The following COL4A4 variants were observed in gnomAD, a reference collection of about 807,000 sequenced individuals.
The protein encoded by COL4A4 is collagen alpha-4(IV) chain.
COL4A4 carries 105 observed loss-of-function variants against 192.9 expected under a neutral mutation model. The ratio of observed to expected loss-of-function variants is 0.54; its 90% CI spans 0.46 to 0.64. COL4A4 has a LOEUF of 0.64. Among genes scored for constraint, COL4A4 ranks in the 30% least tolerant of loss-of-function variants. COL4A4 has a pLI of 0.00. For missense variants in COL4A4, 1,967 were observed against 2,169.3 expected, an observed-to-expected ratio of 0.91 and a Z score of 1.85; for synonymous variants, 762 against 769.9, an observed-to-expected ratio of 0.99 and a Z score of 0.17.
At chr2:227,120,207 C>T (rs1220646969) in intron 5 of COL4A4, among the ~76,000 whole-genome samples, 2 of 152,136 alleles carry the variant, frequency 1.3e-5, no homozygotes, top group Admixed American at 6.6e-5. Flanking sequence ...AATCTCGATC[C>T]TAGAGTAACA....
Position 227,052,230 on chromosome 2 carries a change from G to A in COL4A4, c.2968+75C>T, listed in dbSNP as rs938898422. On this transcript the variant is annotated intron_variant, in intron 32 of 47. Transcript: ENST00000396625. The stretch of plus-strand genomic sequence containing the variant: ...TCTTTTCTAATCTCAGTGTTATTGG[G>A]GAAAGTTGCCTAACAAATGTGATCT... 16 of 907,178 alleles carry A rather than the reference G, an allele frequency of 1.8e-5. No homozygotes were observed. The African/African-American group carries it at 2.6e-4, about 15-fold the overall frequency. 56.2% of individuals were successfully genotyped at this position (907,178 alleles called of 1,614,324 possible). A position where few individuals can be genotyped will look rare whatever the true frequency, so the allele number is the denominator to read the frequency against.
At chr2:227,141,274 T>C (rs2125307383) in intron 3 of COL4A4, among the ~76,000 whole-genome samples, 1 of 152,348 alleles carries the variant, frequency 6.6e-6, no homozygotes, top group East Asian at 1.9e-4. Flanking sequence ...ACATTGGCCA[T>C]ACAATTTTAT....
chr2:227,022,508 T>C (rs1178453605), intron 43 of COL4A4: 1 of 562,274 alleles, frequency 1.8e-6, no homozygotes, highest in Non-Finnish European at 3.6e-6. Context: ...GCCCAATCTC[T>C]GGGCCATTTT....
the COL4A4 span, among the ~76,000 whole-genome samples, chr2:226,981,102 TA>T: frequency 6.6e-6 from 1 of 152,040 alleles, no homozygotes; most frequent in African/African-American, 2.4e-5. Flanking sequence ...TCACTCTGAG[TA>T]AACTATCACA....
At chr2:227,109,969 T>C (rs2061100268) in intron 9 of COL4A4, among the ~76,000 whole-genome samples, 1 of 152,180 alleles carries the variant, frequency 6.6e-6, no homozygotes, top group African/African-American at 2.4e-5. Flanking sequence ...TATTATTAAT[T>C]AACATTATAT....
At chr2:227,098,213 GAATGTAC>G (rs1320903762) in intron 19 of COL4A4, among the ~76,000 whole-genome samples, 1 of 152,268 alleles carries the variant, frequency 6.6e-6, no homozygotes, top group East Asian at 1.9e-4. Context: ...GGGATTAGGT[GAATGTAC>G]TAAATTTTAC....
chr2:227,074,740 T>A (rs2058924562), intron 25 of COL4A4, among the ~76,000 whole-genome samples: 1 of 152,148 alleles, frequency 6.6e-6, no homozygotes. Flanking sequence ...AACAAAACAA[T>A]GGCTTTTGCA....
the COL4A4 span, among the ~76,000 whole-genome samples, chr2:226,990,428 T>G: frequency 1.3e-5 from 2 of 152,326 alleles, no homozygotes; most frequent in East Asian, 3.9e-4. Context: ...TTTAGCTCCC[T>G]AATTTAAGGG....
At chr2:227,077,498 G>C (rs2059091457) in intron 25 of COL4A4, among the ~76,000 whole-genome samples, 2 of 152,066 alleles carry the variant, frequency 1.3e-5, no homozygotes, top group Admixed American at 6.6e-5. Context: ...CTGTCAGGGG[G>C]TCAGGGGTAA....
chr2:227,013,262 TTCTCTTTC>T lies in COL4A4; in HGVS notation c.4217-973_4217-966del, dbSNP rs1364805631. ...GTTTCCAGTCTCTACTTGTTTTCTA[TTCTCTTTC>T]TCTCTTTCTCTCTCTGTCTCTCTCT... On this transcript the variant is annotated intron_variant, in intron 44 of 47. Transcript: ENST00000396625. Among the ~76,000 whole-genome samples the T allele has an allele frequency of 5.3e-5, 8 of 152,258 alleles. No individual in the cohort carries two copies. The East Asian group carries it at 9.6e-4, about 18-fold the overall frequency.
chr2:227,158,583 G>A (rs1378037958), intron 1 of COL4A4, among the ~76,000 whole-genome samples: 1 of 151,942 alleles, frequency 6.6e-6, no homozygotes, highest in Non-Finnish European at 1.5e-5. Flanking sequence ...ATCTAACATT[G>A]ATCTTGTATC....
the COL4A4 span, among the ~76,000 whole-genome samples, chr2:226,990,607 A>G: frequency 1.5e-4 from 23 of 152,272 alleles, no homozygotes; most frequent in African/African-American, 5.5e-4. Context: ...CCTTTTAGCA[A>G]TTCTTATCTG....
Position 227,118,780 on chromosome 2 carries a change from T to C in COL4A4, c.373-19A>G. On this transcript the variant is annotated intron_variant, in intron 6 of 47. Transcript: ENST00000396625. ...GGTGCCCCTGCAGAAAACAAAATTA[T>C]AAGTGAAGCATTTTTGCGAAAATAT... is the stretch of plus-strand genomic sequence containing the variant. The C allele has an allele frequency of 6.4e-7, 1 of 1,555,210 alleles. No homozygotes were observed. Among genetic ancestry groups the C allele is most frequent in the Non-Finnish European group, 8.9e-7 (1 of 1,129,014 alleles).
At chr2:227,041,768 AAGG>A (rs1559475669) in intron 37 of COL4A4, among the ~76,000 whole-genome samples, 17 of 112,736 alleles carry the variant, frequency 1.5e-4, no homozygotes, top group African/African-American at 4.4e-4. Flanking sequence ...GGAAGGAAGG[AAGG>A]AAGGAAGGAA....
intron 46 of COL4A4, 121 bp downstream of exon 46, chr2:227,010,192 T>A: frequency 9.3e-7 from 1 of 1,077,736 alleles, no homozygotes; most frequent in Non-Finnish European, 1.4e-6. Flanking sequence ...AGTGTTTTTG[T>A]TTTAAAAGTA....
intron 37 of COL4A4, among the ~76,000 whole-genome samples, chr2:227,041,856 A>AGAGAG (rs1559478390): frequency 1.6e-4 from 16 of 97,038 alleles, no homozygotes; most frequent in South Asian, 3.7e-4. Flanking sequence ...AAGAGAAAGA[A>AGAGAG]AGAAAGAAAG....
intron 44 of COL4A4, among the ~76,000 whole-genome samples, chr2:227,015,520 C>A (rs1315285285): frequency 6.6e-6 from 1 of 152,074 alleles, no homozygotes; most frequent in Non-Finnish European, 1.5e-5. Context: ...CTTGTGACGC[C>A]CCCTCCCTAC....
intron 41 of COL4A4, among the ~76,000 whole-genome samples, chr2:227,028,842 A>G (rs1967629962): frequency 6.6e-6 from 1 of 151,670 alleles, no homozygotes; most frequent in African/African-American, 2.4e-5. Context: ...TTTTTTGTAG[A>G]GATGGGGGTC....
chr2:227,055,902 T>A (rs1028999933), intron 30 of COL4A4, 43 bp downstream of exon 30: 2 of 1,571,782 alleles, frequency 1.3e-6, no homozygotes. Flanking sequence ...GTGGATTTCA[T>A]GTTTCTAAGA....
Sources: allele counts gnomAD v4.1 joint callset (sites outside exome capture counted in the v4.1 genomes callset), GRCh38; gene constraint gnomAD v4.1.1; transcripts MANE v1.5; gene names NCBI Gene and HGNC (gene_info 2026-07-23, HGNC 2026-07-21).